KCTD8: variants seen among roughly 807,000 people sequenced by gnomAD.
The protein encoded by KCTD8 is BTB/POZ domain-containing protein KCTD8.
Under a neutral mutation model 31.5 loss-of-function variants are expected in KCTD8, and 27 were observed. The observed-to-expected ratio is 0.86, with a 90% CI of 0.63 to 1.18. KCTD8 has a LOEUF of 1.18. KCTD8 is among the 50% of genes most tolerant of loss of function. The pLI, the probability that KCTD8 is intolerant of heterozygous loss-of-function variation, is 0.00. For missense variants in KCTD8, 658 were observed against 647.7 expected, an observed-to-expected ratio of 1.02 and a Z score of -0.17; for synonymous variants, 290 against 280.0, an observed-to-expected ratio of 1.04 and a Z score of -0.36.
At chr4:44,246,994 A>C (rs746672154) in intron 1 of KCTD8, among the ~76,000 whole-genome samples, 1 of 152,052 alleles carries the variant, frequency 6.6e-6, no homozygotes, top group Non-Finnish European at 1.5e-5. Context: ...TTAACTAAAC[A>C]ACTCCCATTA....
chr4:44,325,586 CA>C (rs1354544453), intron 1 of KCTD8, among the ~76,000 whole-genome samples: 4 of 151,814 alleles, frequency 2.6e-5, no homozygotes, highest in Non-Finnish European at 5.9e-5. Context: ...GTGCCTGTAT[CA>C]AAACATCTCA....
At chr4:44,384,072 C>T (rs541250790) in intron 1 of KCTD8, among the ~76,000 whole-genome samples, 1 of 151,676 alleles carries the variant, frequency 6.6e-6, no homozygotes, top group African/African-American at 2.4e-5. Context: ...TGCTCAAATC[C>T]TAATCATCAG....
At chr4:44,314,909 T>C (rs372343822) in intron 1 of KCTD8, among the ~76,000 whole-genome samples, 19 of 150,680 alleles carry the variant, frequency 1.3e-4, no homozygotes, top group Non-Finnish European at 2.5e-4. Context: ...AAAAAACTTA[T>C]ACTCCTCCTC....
chr4:44,319,671 C>A (rs1261597900), intron 1 of KCTD8, among the ~76,000 whole-genome samples: 2 of 151,890 alleles, frequency 1.3e-5, no homozygotes, highest in African/African-American at 4.8e-5. Context: ...ATGAGAAAAT[C>A]TCAGAAAGGA....
intron 1 of KCTD8, among the ~76,000 whole-genome samples, chr4:44,362,044 T>C (rs1026885082): frequency 6.6e-6 from 1 of 152,094 alleles, no homozygotes; most frequent in Admixed American, 6.6e-5. Flanking sequence ...TTTAATGGAT[T>C]GGTAGCATTT....
chr4:44,264,261 A>G (rs530486943), intron 1 of KCTD8, among the ~76,000 whole-genome samples: 93 of 152,324 alleles, frequency 6.1e-4, no homozygotes, highest in African/African-American at 2.1e-3. Flanking sequence ...TCTTTATAGA[A>G]TTTTTTAAAA....
intron 1 of KCTD8, among the ~76,000 whole-genome samples, chr4:44,291,776 A>G (rs1560417060): frequency 6.6e-6 from 1 of 152,028 alleles, no homozygotes; most frequent in Non-Finnish European, 1.5e-5. Flanking sequence ...AGAAATCAAC[A>G]AACAAAAAAA....
At chr4:44,347,552 G>T (rs767258793) in intron 1 of KCTD8, among the ~76,000 whole-genome samples, 2 of 152,146 alleles carry the variant, frequency 1.3e-5, no homozygotes, top group African/African-American at 4.8e-5. Context: ...GTTCCACATT[G>T]TTTAGTGCAC....
chr4:44,411,581 T>G (rs903762838), intron 1 of KCTD8, among the ~76,000 whole-genome samples: 1 of 152,042 alleles, frequency 6.6e-6, no homozygotes, highest in African/African-American at 2.4e-5. Flanking sequence ...GAATTTTGTC[T>G]CCCCAAAATA....
chr4:44,346,947 G>GA (rs1719051903), intron 1 of KCTD8, among the ~76,000 whole-genome samples: 1 of 152,114 alleles, frequency 6.6e-6, no homozygotes, highest in Admixed American at 6.5e-5. Flanking sequence ...GGGTTCAGTG[G>GA]AAAATGAAGA....
intron 1 of KCTD8, among the ~76,000 whole-genome samples, chr4:44,445,086 C>T (rs1240046984): frequency 2.6e-5 from 4 of 152,066 alleles, no homozygotes; most frequent in Admixed American, 6.5e-5. Context: ...AGAAACTTGC[C>T]AAATAAGATA....
intron 1 of KCTD8, among the ~76,000 whole-genome samples, chr4:44,287,453 T>G (rs1717125787): frequency 6.6e-6 from 1 of 152,198 alleles, no homozygotes; most frequent in African/African-American, 2.4e-5. Flanking sequence ...GTGTCTATAA[T>G]GTTAAACATT....
intron 1 of KCTD8, among the ~76,000 whole-genome samples, chr4:44,445,883 G>A (rs1315498564): frequency 1.3e-5 from 2 of 152,164 alleles, no homozygotes; most frequent in African/African-American, 2.4e-5. Context: ...ATAAAATGGT[G>A]CTAAAATACT....
At chr4:44,262,207 C>T (rs147128366) in intron 1 of KCTD8, among the ~76,000 whole-genome samples, 185 of 152,168 alleles carry the variant, frequency 1.2e-3, no homozygotes, top group African/African-American at 4.3e-3. Context: ...AAGACTGTGA[C>T]TAGAGTTTTC....
intron 1 of KCTD8, among the ~76,000 whole-genome samples, chr4:44,256,759 G>A (rs1004804021): frequency 2.0e-5 from 3 of 151,888 alleles, no homozygotes; most frequent in African/African-American, 7.2e-5. Flanking sequence ...GAAGTCATGA[G>A]CCAAAGAATG....
At chr4:44,210,541 C>T (rs1317885135) in intron 1 of KCTD8, among the ~76,000 whole-genome samples, 1 of 152,160 alleles carries the variant, frequency 6.6e-6, no homozygotes, top group East Asian at 1.9e-4. Flanking sequence ...ATACACCTAT[C>T]CACCATGCAG....
At chr4:44,393,191 C>G (rs1182429044) in intron 1 of KCTD8, among the ~76,000 whole-genome samples, 1 of 151,880 alleles carries the variant, frequency 6.6e-6, no homozygotes, top group Non-Finnish European at 1.5e-5. Context: ...TTTTCAGGAG[C>G]ATTATAACAG....
At chr4:44,337,598 C>T (rs920010994) in intron 1 of KCTD8, among the ~76,000 whole-genome samples, 5 of 150,638 alleles carry the variant, frequency 3.3e-5, no homozygotes, top group South Asian at 4.2e-4. Context: ...CGTTTGAATC[C>T]GGGAGGAGGA....
intron 1 of KCTD8, among the ~76,000 whole-genome samples, chr4:44,319,623 C>T (rs1718235469): frequency 6.6e-6 from 1 of 152,072 alleles, no homozygotes; most frequent in South Asian, 2.1e-4. Context: ...TAAATTCTCA[C>T]ATCAAGTTGA....
Sources: allele counts gnomAD v4.1 joint callset (sites outside exome capture counted in the v4.1 genomes callset), GRCh38; gene constraint gnomAD v4.1.1; transcripts MANE v1.5; gene names NCBI Gene and HGNC (gene_info 2026-07-23, HGNC 2026-07-21).